The following PLXDC2 variants were observed in gnomAD, a reference collection of about 807,000 sequenced individuals.
PLXDC2 encodes the protein plexin domain-containing protein 2.
A neutral mutation model predicts 68.9 loss-of-function variants in PLXDC2; 40 were observed. The ratio of observed to expected loss-of-function variants is 0.58; its 90% CI spans 0.45 to 0.76. The LOEUF is 0.76. Among genes scored for constraint, PLXDC2 ranks in the 30% least tolerant of loss-of-function variants. The probability of loss-of-function intolerance (pLI) is 0.00; values close to 1 mark genes in which losing one functional copy is unlikely to be tolerated. For missense variants in PLXDC2, 644 were observed against 661.9 expected, an observed-to-expected ratio of 0.97 and a Z score of 0.30; for synonymous variants, 243 against 234.2, an observed-to-expected ratio of 1.04 and a Z score of -0.34.
Position 20,221,031 on chromosome 10 carries a change from C to A in PLXDC2, c.1312+1929C>A, listed in dbSNP as rs560343020. ...CTAATTTTTGTATTTTTAATAGAGA[C>A]GGGGTTTCATCATGTTGGCCAGGCT... On this transcript the variant is annotated intron_variant, in intron 12 of 13. Transcript: ENST00000377252. 4.6e-5 allele frequency among the ~76,000 whole-genome samples: 7 copies of A among 151,780 alleles called. No homozygotes were observed. The South Asian group carries it at 1.5e-3, about 32-fold the overall frequency.
At chr10:19,989,716 T>G (rs531602064) in intron 1 of PLXDC2, among the ~76,000 whole-genome samples, 155 of 151,394 alleles carry the variant, frequency 1.0e-3, no homozygotes, top group African/African-American at 3.7e-3. Context: ...AATTTAATAA[T>G]TTTATAGAGT....
At chr10:20,279,668 A>G (rs1468519716) in intron 13 of PLXDC2, 35 bp from the exon 14 acceptor site, 1 of 1,550,084 alleles carries the variant, frequency 6.5e-7, no homozygotes, top group Non-Finnish European at 8.9e-7. Flanking sequence ...TCTTACCCTG[A>G]CGCACATTTT....
chr10:19,846,472 T>C, intron 1 of PLXDC2, among the ~76,000 whole-genome samples: 1 of 152,210 alleles, frequency 6.6e-6, no homozygotes, highest in South Asian at 2.1e-4. Flanking sequence ...GCGTTATTGA[T>C]GTGATACCTT....
chr10:20,004,013 T>C (rs894228102), intron 2 of PLXDC2, among the ~76,000 whole-genome samples: 1 of 152,158 alleles, frequency 6.6e-6, no homozygotes, highest in African/African-American at 2.4e-5. Context: ...GCTGACAGGC[T>C]TATGATTTTT....
At chr10:19,991,827 T>G (rs1834755791) in intron 1 of PLXDC2, among the ~76,000 whole-genome samples, 3 of 152,194 alleles carry the variant, frequency 2.0e-5, no homozygotes, top group African/African-American at 4.8e-5. Flanking sequence ...AAGAATTGAT[T>G]ACATCTGGCC....
chr10:20,230,708 A>AAAAAAAAAAAAAAAAAAAAAAAG (rs1835351920), intron 12 of PLXDC2, among the ~76,000 whole-genome samples: 1 of 149,482 alleles, frequency 6.7e-6, no homozygotes, highest in Non-Finnish European at 1.5e-5. Context: ...AAAAAAAAAA[A>AAAAAAAAAAAAAAAAAAAAAAAG]AAAAAACAGG....
intron 4 of PLXDC2, among the ~76,000 whole-genome samples, chr10:20,125,062 C>G (rs1308943819): frequency 6.6e-6 from 1 of 152,148 alleles, no homozygotes; most frequent in Non-Finnish European, 1.5e-5. Flanking sequence ...TAGGACAACT[C>G]TTCATTGAGC....
At chr10:19,997,987 C>A (rs1834870059) in intron 1 of PLXDC2, among the ~76,000 whole-genome samples, 1 of 152,158 alleles carries the variant, frequency 6.6e-6, no homozygotes, top group Non-Finnish European at 1.5e-5. Flanking sequence ...TTAGTGTTTC[C>A]ATGAGCTATG....
chr10:20,082,070 A>AAAC (rs1554765382), intron 4 of PLXDC2, among the ~76,000 whole-genome samples: 7 of 121,990 alleles, frequency 5.7e-5, no homozygotes, highest in Admixed American at 1.0e-4. Flanking sequence ...AAATCAAAAA[A>AAAC]AAAAAACAGG....
At chr10:19,987,801 C>G (rs1393975055) in intron 1 of PLXDC2, among the ~76,000 whole-genome samples, 1 of 152,064 alleles carries the variant, frequency 6.6e-6, no homozygotes, top group African/African-American at 2.4e-5. Flanking sequence ...ATCTCCCGAC[C>G]TTGTGATCCT....
intron 3 of PLXDC2, among the ~76,000 whole-genome samples, chr10:20,057,448 G>GCTATATAA (rs1836018772): frequency 6.6e-6 from 1 of 151,996 alleles, no homozygotes; most frequent in African/African-American, 2.4e-5. Context: ...GTATCACTTA[G>GCTATATAA]GTGATGGATG....
intron 1 of PLXDC2, among the ~76,000 whole-genome samples, chr10:19,886,192 G>A (rs1288331103): frequency 6.6e-6 from 1 of 152,192 alleles, no homozygotes; most frequent in East Asian, 1.9e-4. Context: ...TGTGATTTTT[G>A]TACATTGATT....
intron 2 of PLXDC2, among the ~76,000 whole-genome samples, chr10:20,017,192 C>T (rs888576492): frequency 6.6e-6 from 1 of 152,204 alleles, no homozygotes; most frequent in Non-Finnish European, 1.5e-5. Flanking sequence ...GAATCTTAAA[C>T]TGCCCTCCCT....
Position 19,973,357 on chromosome 10 carries a change from T to TATATGTGTATATATGTATACTC in PLXDC2, c.113-28414_113-28413insGTGTATATATGTATACTCATAT, listed in dbSNP as rs1564644231. 6.9e-5 allele frequency among the ~76,000 whole-genome samples: 10 copies of TATATGTGTATATATGTATACTC among 144,704 alleles called. No homozygotes were observed. In the East Asian group the frequency reaches 2.0e-3, roughly 28 times the overall value. 94.9% of individuals were successfully genotyped at this position (144,704 alleles called of 152,430 possible). On this transcript the variant is annotated intron_variant, in intron 1 of 13. Coordinates refer to ENST00000377252, the MANE Select transcript of PLXDC2 (RefSeq NM_032812.9). ...ATATGTGTATATATGTATACTCACATATATATGTATACATATATATGTGAA... is the reference window on the plus strand; with the variant it reads ...ATATGTGTATATATGTATACTCACATATATGTGTATATATGTATACTCATATATGTATACATATATATGTGAA...
rs905016597 is a variant in PLXDC2 at position 19,846,755 on chromosome 10, G to A, written c.112+29564G>A. ...GACCACAAGTCACATAGTTGATCTG[G>A]CATCAAGTGGCCATCTCAGACGTGT... On this transcript the variant is annotated intron_variant, in intron 1 of 13. Transcript: ENST00000377252. Among the ~76,000 whole-genome samples the A allele has an allele frequency of 1.4e-4, 21 of 152,144 alleles. 1 individual carries two copies. The highest frequency in any genetic ancestry group is 5.1e-4 in the African/African-American group (21 of 41,434).
At chr10:20,076,116 A>G (rs907135117) in intron 4 of PLXDC2, among the ~76,000 whole-genome samples, 65 of 152,348 alleles carry the variant, frequency 4.3e-4, no homozygotes, top group African/African-American at 1.5e-3. Context: ...ACTCTGTGCA[A>G]TTAATAAAGT....
At chr10:20,175,938 A>G (rs1834520870) in intron 7 of PLXDC2, among the ~76,000 whole-genome samples, 2 of 152,206 alleles carry the variant, frequency 1.3e-5, no homozygotes, top group Admixed American at 1.3e-4. Context: ...AAATGCTGAC[A>G]ACATTATTTT....
rs77811680 is a variant in PLXDC2, at chr10:19,913,770, T to C, written c.113-88005T>C. Among the ~76,000 whole-genome samples, 1,030 of 152,320 alleles carry C rather than the reference T, an allele frequency of 6.8e-3. 4 individuals carry two copies. The highest frequency in any genetic ancestry group is 0.011 in the Non-Finnish European group (728 of 68,014). ...GAGTGGGGAATTACTTTCATTATTA[T>C]TTTCTGTTTCTTTTTCTTAGAAAGT... On this transcript the variant is annotated intron_variant, in intron 1 of 13. Transcript: ENST00000377252.
intron 1 of PLXDC2, among the ~76,000 whole-genome samples, chr10:19,980,513 C>T (rs139947960): frequency 6.6e-6 from 1 of 152,240 alleles, no homozygotes; most frequent in African/African-American, 2.4e-5. Context: ...TGGTGAGGGA[C>T]CTCTTCCTGG....
Sources: gnomAD v4.1 joint callset for allele counts (sites outside exome capture counted in the v4.1 genomes callset) on GRCh38, gnomAD v4.1.1 for gene constraint, MANE v1.5 for transcripts, NCBI Gene and HGNC (gene_info 2026-07-23, HGNC 2026-07-21) for gene names.